Variants in SLC30A2 observed in about 807,000 individuals in gnomAD.
SLC30A2 encodes proton-coupled zinc antiporter SLC30A2.
In SLC30A2, 19 loss-of-function variants were observed where a neutral mutation model predicts 39.6. The ratio of observed to expected loss-of-function variants is 0.48; its 90% CI spans 0.34 to 0.70. The LOEUF is 0.70. SLC30A2 is among the 30% of genes least tolerant of loss of function. The pLI is 0.01. For missense variants in SLC30A2, 387 were observed against 479.4 expected (o/e 0.81, Z 1.80); for synonymous variants, 195 against 194.8 (o/e 1.00, Z -0.01).
rs1029159636 is a variant in SLC30A2 at position 26,045,917 on chromosome 1, G to GGCAGCCGC, written c.-29_-22dup. On this transcript the variant is annotated 5_prime_UTR_variant, in exon 1 of 8. Coordinates refer to ENST00000374276, the MANE Select transcript of SLC30A2 (RefSeq NM_001004434.3). ...TCCATGCAGTCCCGCGCCGAGTCCCGGCAGCCGCGCAGCCGCCCCGCCGAG... is the reference window on the plus strand; with the variant it reads ...TCCATGCAGTCCCGCGCCGAGTCCCGGCAGCCGCGCAGCCGCGCAGCCGCCCCGCCGAG... 15 of 1,607,642 alleles carry GGCAGCCGC rather than the reference G, an allele frequency of 9.3e-6. No homozygotes were observed. Among genetic ancestry groups the GGCAGCCGC allele is most frequent in the Non-Finnish European group, 1.3e-5 (15 of 1,179,118 alleles).
rs2050353477 is a variant in SLC30A2, at chr1:26,037,493, C to T, written c.*1667G>A. 6.6e-6 allele frequency: 1 copy of T among 152,020 alleles called. No homozygotes were observed. The highest frequency in any genetic ancestry group is 1.5e-5 in the Non-Finnish European group (1 of 68,102). The allele number at this position is 152,020 out of a possible 1,614,324, so 9.4% of individuals were successfully genotyped here. ...AAGTCATCTGCCTGCCTCAGCCTCC[C>T]AAGGTGCTGGGATTGCAGGCATGAG... On this transcript the variant is annotated 3_prime_UTR_variant, in exon 8 of 8. Transcript: ENST00000374276.
intron 5 of SLC30A2, 124 bp downstream of exon 5, chr1:26,042,425 T>C: frequency 1.2e-6 from 1 of 866,436 alleles, no homozygotes; most frequent in East Asian, 2.4e-5. Context: ...GTTCCTTTCC[T>C]CTCCCCACCC....
Position 26,039,173 on chromosome 1 carries a change from C to CCCTGGCATG in SLC30A2, c.1097_1105dup (p.Ala366_Gln368dup). 6.2e-7 allele frequency: 1 copy of CCCTGGCATG among 1,613,898 alleles called. No homozygotes were observed. Among genetic ancestry groups the CCCTGGCATG allele is most frequent in the Non-Finnish European group, 8.5e-7 (1 of 1,179,784 alleles). On this transcript the variant is annotated inframe_insertion, in exon 8 of 8. Coordinates refer to ENST00000374276, the MANE Select transcript of SLC30A2 (RefSeq NM_001004434.3). This position sits in a 1 kb window ranked among gnomAD's most constrained non-coding sequence, Gnocchi z 4.3. Reference sequence around the variant, plus strand: ...CTGGCTGAGCAGTCAGTCTGAGGGGCCCTGGCATGCCTGACAGTCCTTCAT... The same window carrying CCCTGGCATG: ...CTGGCTGAGCAGTCAGTCTGAGGGGCCCTGGCATGCCTGGCATGCCTGACAGTCCTTCAT...
intron 3 of SLC30A2, among the ~76,000 whole-genome samples, chr1:26,044,089 C>T (rs993541484): frequency 6.6e-6 from 1 of 152,088 alleles, no homozygotes; most frequent in African/African-American, 2.4e-5. Context: ...CTGAGAGCTC[C>T]TGGATGACTG....
Position 26,039,859 on chromosome 1 carries a change from C to A in SLC30A2, c.891G>T (p.Val297=). ...GGCTGTGCAGGGCTTCTACCCCCTCCACCGACAGCAGCAGATCACGAACAG... is the reference window on the plus strand; with the variant it reads ...GGCTGTGCAGGGCTTCTACCCCCTCAACCGACAGCAGCAGATCACGAACAG... ...FTAVRDLLLS[V]EGVEALHSLH... The change falls in exon 7 of 8, where the codon GTG becomes GTT. Residue 297 remains valine, a synonymous_variant. Coordinates refer to ENST00000374276, the MANE Select transcript of SLC30A2 (RefSeq NM_001004434.3). This position sits in a 1 kb window ranked among gnomAD's most constrained non-coding sequence, Gnocchi z 4.3. The A allele has an allele frequency of 6.2e-7, 1 of 1,614,138 alleles. No homozygotes were observed.
At chr1:26,044,558 T>C (rs2050437335) in intron 2 of SLC30A2, 114 bp from the exon 3 acceptor site, 2 of 1,001,550 alleles carry the variant, frequency 2.0e-6, no homozygotes, top group Non-Finnish European at 2.9e-6. Context: ...AAGATCTCTC[T>C]ACCCATGAGC....
chr1:26,041,551 G>T (rs901858447), intron 6 of SLC30A2, 149 bp downstream of exon 6: 1 of 596,898 alleles, frequency 1.7e-6, no homozygotes, highest in Non-Finnish European at 3.0e-6. Context: ...CAGCCCAGGG[G>T]CCCCAGGAGG....
chr1:26,042,419 CT>C, intron 5 of SLC30A2, 129 bp downstream of exon 5: 1 of 825,144 alleles, frequency 1.2e-6, no homozygotes, highest in Non-Finnish European at 1.9e-6. Context: ...ATAAATGTTC[CT>C]TTCCTCTCCC....
At chr1:26,045,825 C>G (rs374914118) in intron 1 of SLC30A2, 22 bp downstream of exon 1, 13 of 1,613,634 alleles carry the variant, frequency 8.1e-6, no homozygotes, top group Non-Finnish European at 1.0e-5. Context: ...AATTCCCGCC[C>G]GTCCCCAGGC....
At position 26,039,383 on chromosome 1, in the gene SLC30A2, C is replaced by A; in HGVS notation, c.974-78G>T. Reference sequence around the variant, plus strand: ...ACCATCAGGAGCCCAAATCTCATACCCCATCCCCAGCAGAACAGGATGGGG... The same window carrying A: ...ACCATCAGGAGCCCAAATCTCATACACCATCCCCAGCAGAACAGGATGGGG... On this transcript the variant is annotated intron_variant, in intron 7 of 7. Coordinates refer to ENST00000374276, the MANE Select transcript of SLC30A2 (RefSeq NM_001004434.3). The surrounding 1 kb of genome is among the most constrained non-coding windows in gnomAD (Gnocchi z 4.3). The A allele has an allele frequency of 9.1e-7, 1 of 1,098,868 alleles. No homozygotes were observed. The highest frequency in any genetic ancestry group is 1.4e-6 in the Non-Finnish European group (1 of 739,678). 68.1% of individuals were successfully genotyped at this position (1,098,868 alleles called of 1,614,324 possible). A position where few individuals can be genotyped will look rare whatever the true frequency, so the allele number is the denominator to read the frequency against.
chr1:26,040,912 T>C (rs1311911324), intron 6 of SLC30A2, among the ~76,000 whole-genome samples: 2 of 48,474 alleles, frequency 4.1e-5, no homozygotes, highest in African/African-American at 1.1e-4. Context: ...GGCAACATAG[T>C]GAGACCCCCC....
In SLC30A2 at chr1:26,037,983, C is replaced by T. The variant is rs1480079230; in HGVS notation, c.*1177G>A. 1 of 152,220 alleles carries T rather than the reference C, an allele frequency of 6.6e-6. No homozygotes were observed. The highest frequency in any genetic ancestry group is 2.4e-5 in the African/African-American group (1 of 41,442). 9.4% of individuals were successfully genotyped at this position (152,220 alleles called of 1,614,324 possible). A position where few individuals can be genotyped will look rare whatever the true frequency, so the allele number is the denominator to read the frequency against. On this transcript the variant is annotated 3_prime_UTR_variant, in exon 8 of 8. Coordinates refer to ENST00000374276, the MANE Select transcript of SLC30A2 (RefSeq NM_001004434.3). ...CCTCGGGCCACAGAGTTCCCTGTCC[C>T]CAGGATGGTAAAAGTAACCAATCTT...
At position 26,044,508 on chromosome 1, in the gene SLC30A2, C is replaced by G. The variant is rs1265271526; in HGVS notation, c.272-64G>C. On this transcript the variant is annotated intron_variant, in intron 2 of 7. Transcript: ENST00000374276. The stretch of plus-strand genomic sequence containing the variant: ...CTGGCTCCCAAGACTGTGTGTGCAG[C>G]AGGGAGACCACAGGCTCTGGAAGAG... 4 of 1,508,398 alleles carry G rather than the reference C, an allele frequency of 2.7e-6. No homozygotes were observed. In the African/African-American group the frequency reaches 5.5e-5, roughly 21 times the overall value. 93.4% of individuals were successfully genotyped at this position (1,508,398 alleles called of 1,614,324 possible). A position where few individuals can be genotyped will look rare whatever the true frequency, so the allele number is the denominator to read the frequency against.
In SLC30A2 at chr1:26,039,853, C is replaced by T; in HGVS notation, c.897G>A (p.Gly299=). The T allele has an allele frequency of 6.2e-7, 1 of 1,614,026 alleles. No homozygotes were observed. Among genetic ancestry groups the T allele is most frequent in the Non-Finnish European group, 8.5e-7 (1 of 1,179,982 alleles). The part of the protein sequence containing the change: ...AVRDLLLSVE[G]VEALHSLHIW... Reference sequence around the variant, plus strand: ...TATGCAGGCTGTGCAGGGCTTCTACCCCCTCCACCGACAGCAGCAGATCAC... The same window carrying T: ...TATGCAGGCTGTGCAGGGCTTCTACTCCCTCCACCGACAGCAGCAGATCAC... The change falls in exon 7 of 8, where the codon GGG becomes GGA. Residue 299 remains glycine (G), a synonymous_variant. Coordinates refer to ENST00000374276, the MANE Select transcript of SLC30A2 (RefSeq NM_001004434.3). The surrounding 1 kb of genome is among the most constrained non-coding windows in gnomAD (Gnocchi z 4.3).
intron 6 of SLC30A2, 87 bp downstream of exon 6, chr1:26,041,613 G>A: frequency 1.2e-6 from 1 of 807,458 alleles, no homozygotes; most frequent in Non-Finnish European, 2.1e-6. Flanking sequence ...CCATGTGCTA[G>A]GATGCCCCAG....
intron 1 of SLC30A2, 108 bp downstream of exon 1, chr1:26,045,739 T>G (rs1424398059): frequency 2.6e-6 from 4 of 1,561,552 alleles, no homozygotes; most frequent in Non-Finnish European, 3.5e-6. Flanking sequence ...CCCTCCTGCA[T>G]GGTCCCAGCT....
At chr1:26,041,234 A>C (rs1045916347) in intron 6 of SLC30A2, among the ~76,000 whole-genome samples, 1 of 152,210 alleles carries the variant, frequency 6.6e-6, no homozygotes, top group Non-Finnish European at 1.5e-5. Flanking sequence ...AGATGTAGGA[A>C]AGGCCTGCGC....
intron 5 of SLC30A2, 73 bp downstream of exon 5, chr1:26,042,476 A>G: frequency 7.3e-7 from 1 of 1,369,398 alleles, no homozygotes; most frequent in Middle Eastern, 1.9e-4. Flanking sequence ...CTGAAAAGAA[A>G]CCCCGGTAGA....
At chr1:26,044,972 A>C (rs747333631) in intron 2 of SLC30A2, 25 bp downstream of exon 2, 11 of 1,603,358 alleles carry the variant, frequency 6.9e-6, no homozygotes, top group Non-Finnish European at 9.4e-6. Context: ...CACCAACTTC[A>C]TTTAATTAGC....
Sources: allele counts gnomAD v4.1 joint callset (sites outside exome capture counted in the v4.1 genomes callset), GRCh38; gene constraint gnomAD v4.1.1; non-coding constraint Gnocchi (gnomAD v3.1); transcripts MANE v1.5; gene names NCBI Gene and HGNC (gene_info 2026-07-23, HGNC 2026-07-21).